Variants in ANKRD30A observed in about 807,000 individuals in gnomAD.
ANKRD30A encodes ankyrin repeat domain-containing protein 30A.
Under a neutral mutation model 166.3 loss-of-function variants are expected in ANKRD30A, and 170 were observed. The ratio of observed to expected loss-of-function variants is 1.02; its 90% CI spans 0.90 to 1.16. ANKRD30A has a LOEUF of 1.16. Among genes scored for constraint, ANKRD30A ranks in the 50% most tolerant of loss-of-function variants. ANKRD30A has a pLI of 0.00. For missense variants in ANKRD30A, 1,630 were observed against 1,518.0 expected, an observed-to-expected ratio of 1.07 and a Z score of -1.23; for synonymous variants, 564 against 508.9, an observed-to-expected ratio of 1.11 and a Z score of -1.46.
intron 1 of ANKRD30A, among the ~76,000 whole-genome samples, chr10:37,127,046 CAAAAAAAAAAAAAAAAAAAAAAAAAAAAA>C: frequency 6.1e-5 from 1 of 16,504 alleles, no homozygotes; most frequent in East Asian, 6.0e-3. Context: ...AACTCTGTCT[CAAAAAAAAAAAAAAAAAAAAAAAAAAAAA>C]AAAAAAAAAA....
intron 5 of ANKRD30A, 110 bp downstream of exon 5, chr10:37,134,163 T>A: frequency 7.8e-7 from 1 of 1,290,018 alleles, no homozygotes; most frequent in Non-Finnish European, 1.1e-6. Flanking sequence ...AAAGCTAGAC[T>A]AGTTAGAAGG....
chr10:37,233,870 T>C (rs115377483), downstream of ANKRD30A, among the ~76,000 whole-genome samples: 91 of 152,278 alleles, frequency 6.0e-4, no homozygotes, highest in African/African-American at 2.0e-3. Flanking sequence ...AGAAGACATT[T>C]AGACATTTTT....
chr10:37,143,576 C>T (rs1837299631), intron 7 of ANKRD30A, among the ~76,000 whole-genome samples: 2 of 152,118 alleles, frequency 1.3e-5, no homozygotes, highest in South Asian at 4.1e-4. Flanking sequence ...ATCACTTGAA[C>T]CCAGGAGGCA....
In ANKRD30A at chr10:37,153,157, A is replaced by G. The variant is rs17606117; in HGVS notation, c.1708-415A>G. Among the ~76,000 whole-genome samples, 9 of 152,264 alleles carry G rather than the reference A, an allele frequency of 5.9e-5. No individual in the cohort carries two copies. The East Asian group carries it at 1.2e-3, about 20-fold the overall frequency. On this transcript the variant is annotated intron_variant, in intron 12 of 35. Transcript: ENST00000361713. ...TTTAACACTAAACAGTTCTGTGATC[A>G]TGAATATTTTAAATGTTTAATGCTG... is the stretch of plus-strand genomic sequence containing the variant.
chr10:37,134,264 T>A (rs187924596), intron 5 of ANKRD30A, among the ~76,000 whole-genome samples: 11 of 152,302 alleles, frequency 7.2e-5, no homozygotes, highest in African/African-American at 2.6e-4. Context: ...TCTAATTAGT[T>A]ATTTGGGTCT....
intron 34 of ANKRD30A, among the ~76,000 whole-genome samples, chr10:37,222,607 C>A (rs1433126069): frequency 6.6e-6 from 1 of 151,172 alleles, no homozygotes; most frequent in East Asian, 2.0e-4. Context: ...TATTTCTCTG[C>A]CACTGGATTT....
At chr10:37,198,665 G>C (rs990535787) in intron 29 of ANKRD30A, among the ~76,000 whole-genome samples, 1 of 151,958 alleles carries the variant, frequency 6.6e-6, no homozygotes, top group Non-Finnish European at 1.5e-5. Context: ...TGAAAACGGT[G>C]GCTTACCAAA....
chr10:37,161,799 T>C (rs1465583888), intron 15 of ANKRD30A, among the ~76,000 whole-genome samples: 2 of 152,196 alleles, frequency 1.3e-5, no homozygotes, highest in African/African-American at 4.8e-5. Flanking sequence ...GGAAGTGTGT[T>C]GTTTTGGTAA....
intron 6 of ANKRD30A, among the ~76,000 whole-genome samples, chr10:37,140,082 A>G (rs1174970264): frequency 1.3e-5 from 2 of 152,216 alleles, no homozygotes; most frequent in African/African-American, 4.8e-5. Flanking sequence ...AACTTTTATA[A>G]GAAGGAAAAA....
chr10:37,140,553 A>C (rs937370493), intron 6 of ANKRD30A, among the ~76,000 whole-genome samples: 1 of 152,208 alleles, frequency 6.6e-6, no homozygotes, highest in Non-Finnish European at 1.5e-5. Context: ...CCAAGTTGAA[A>C]CCAAATAAGA....
At chr10:37,259,072 A>T in the ANKRD30A span, among the ~76,000 whole-genome samples, 1 of 152,038 alleles carries the variant, frequency 6.6e-6, no homozygotes, top group Non-Finnish European at 1.5e-5. Flanking sequence ...ATTAACTATA[A>T]AGAAAAAGTC....
intron 31 of ANKRD30A, among the ~76,000 whole-genome samples, chr10:37,214,525 G>T: frequency 6.9e-6 from 1 of 144,450 alleles, no homozygotes; most frequent in Admixed American, 6.9e-5. Context: ...TAATTTTTAT[G>T]ATTTAGTTTT....
chr10:37,236,023 C>A (rs905346175), downstream of ANKRD30A, among the ~76,000 whole-genome samples: 17 of 152,130 alleles, frequency 1.1e-4, no homozygotes, highest in African/African-American at 3.6e-4. Context: ...CTGCCTCGGC[C>A]TCCCAAAGTG....
chr10:37,165,540 C>G (rs1279291573), intron 18 of ANKRD30A, among the ~76,000 whole-genome samples: 2 of 152,070 alleles, frequency 1.3e-5, no homozygotes, highest in Non-Finnish European at 2.9e-5. Context: ...CATAGAGAGA[C>G]ACTTTAAACT....
At chr10:37,154,286 C>G (rs1490793800) in intron 13 of ANKRD30A, among the ~76,000 whole-genome samples, 1 of 152,166 alleles carries the variant, frequency 6.6e-6, no homozygotes, top group African/African-American at 2.4e-5. Flanking sequence ...CAGAAGTTTT[C>G]AAACTTTAGA....
intron 30 of ANKRD30A, 149 bp downstream of exon 30, chr10:37,199,937 A>T: frequency 2.0e-6 from 1 of 500,422 alleles, no homozygotes; most frequent in Middle Eastern, 4.8e-4. Flanking sequence ...TAGAGAATCT[A>T]TGTGCTAAGT....
At chr10:37,126,326 A>G (rs1836007508) in intron 1 of ANKRD30A, among the ~76,000 whole-genome samples, 1 of 152,262 alleles carries the variant, frequency 6.6e-6, no homozygotes, top group African/African-American at 2.4e-5. Flanking sequence ...TTTAACTCAC[A>G]AAATTAAGTA....
intron 7 of ANKRD30A, among the ~76,000 whole-genome samples, chr10:37,143,652 T>C (rs1837307868): frequency 6.7e-6 from 1 of 150,068 alleles, no homozygotes; most frequent in Non-Finnish European, 1.5e-5. Flanking sequence ...ACATTCCATC[T>C]AAAAAAAGAA....
intron 34 of ANKRD30A, among the ~76,000 whole-genome samples, chr10:37,222,808 CA>C (rs2132752003): frequency 6.6e-6 from 1 of 151,382 alleles, no homozygotes; most frequent in South Asian, 2.1e-4. Context: ...CTAGTTGGTG[CA>C]GAACAATTTA....
Sources: allele counts gnomAD v4.1 joint callset (sites outside exome capture counted in the v4.1 genomes callset), GRCh38; gene constraint gnomAD v4.1.1; transcripts MANE v1.5; gene names NCBI Gene and HGNC (gene_info 2026-07-23, HGNC 2026-07-21).